Variants in LIMS1 observed in about 807,000 individuals in gnomAD.
The protein encoded by LIMS1 is LIM and senescent cell antigen-like-containing domain protein 1.
LIMS1 carries 18 observed loss-of-function variants against 44.1 expected under a neutral mutation model. The ratio of observed to expected loss-of-function variants is 0.41; its 90% CI spans 0.28 to 0.61. LIMS1 has a LOEUF of 0.61. Ranked by LOEUF, LIMS1 falls within the 20% of genes least tolerant of loss-of-function variation. The pLI is 0.32. For synonymous variants in LIMS1, 93 were observed against 149.1 expected, an observed-to-expected ratio of 0.62 and a Z score of 2.74; for missense variants, 201 against 422.0, an observed-to-expected ratio of 0.48 and a Z score of 4.59.
chr2:108,560,958 T>C (rs1032916707), intron 1 of LIMS1, among the ~76,000 whole-genome samples: 1 of 152,210 alleles, frequency 6.6e-6, no homozygotes, highest in African/African-American at 2.4e-5. Flanking sequence ...TTTGCCACAC[T>C]AGCTCAATGC....
At chr2:108,621,528 T>C (rs977794198) in intron 1 of LIMS1, 1 of 1,142,714 alleles carries the variant, frequency 8.8e-7, no homozygotes, top group South Asian at 1.3e-5. Flanking sequence ...TGGGGATTCA[T>C]GCCTAAGTGG....
chr2:108,645,646 TTA>T (rs1690008278), intron 1 of LIMS1, among the ~76,000 whole-genome samples: 1 of 152,036 alleles, frequency 6.6e-6, no homozygotes, highest in East Asian at 1.9e-4. Flanking sequence ...CATAACAATA[TTA>T]ACCTTAAATG....
At chr2:108,683,186 C>A (rs1693118334) in intron 9 of LIMS1, among the ~76,000 whole-genome samples, 2 of 152,098 alleles carry the variant, frequency 1.3e-5, no homozygotes, top group Non-Finnish European at 2.9e-5. Context: ...ACCAAAATAA[C>A]CCCTTATAAT....
In LIMS1 at chr2:108,549,823, C is replaced by T. The variant is rs1018121470; in HGVS notation, c.32+15229C>T. Reference sequence around the variant, plus strand: ...AAGAAGAAAGACAAATGGATAAAACCTGTTAGTAAAATAATTTGTCAGTAT... The same window carrying T: ...AAGAAGAAAGACAAATGGATAAAACTTGTTAGTAAAATAATTTGTCAGTAT... On this transcript the variant is annotated intron_variant, in intron 1 of 9. Transcript: ENST00000544547. Among the ~76,000 whole-genome samples, 74 of 152,100 alleles carry T rather than the reference C, an allele frequency of 4.9e-4. 1 individual carries two copies. Among genetic ancestry groups the T allele is most frequent in the Non-Finnish European group, 1.0e-4 (7 of 68,014 alleles).
At chr2:108,556,854 A>G (rs1022623059) in intron 1 of LIMS1, among the ~76,000 whole-genome samples, 3 of 152,204 alleles carry the variant, frequency 2.0e-5, no homozygotes, top group Non-Finnish European at 4.4e-5. Context: ...TGAACCTGTG[A>G]TCAGTCAAGC....
At chr2:108,589,906 G>A (rs923327122) in intron 1 of LIMS1, among the ~76,000 whole-genome samples, 2 of 152,182 alleles carry the variant, frequency 1.3e-5, no homozygotes, top group Non-Finnish European at 2.9e-5. Context: ...GATACGTGAT[G>A]TAATTTCAGC....
chr2:108,680,753 C>T (rs752653119), exon 9 of LIMS1: 1 of 1,610,540 alleles, frequency 6.2e-7, no homozygotes, highest in East Asian at 2.2e-5. Flanking sequence ...CTACCTGCAA[C>T]ACTAAATTAA....
At chr2:108,635,405 G>C (rs958310900) in intron 1 of LIMS1, among the ~76,000 whole-genome samples, 3 of 148,222 alleles carry the variant, frequency 2.0e-5, no homozygotes, top group African/African-American at 7.6e-5. Context: ...TCCAGCCTGG[G>C]GGGAAAGAGC....
intron 2 of LIMS1, among the ~76,000 whole-genome samples, chr2:108,668,320 C>T (rs1005763135): frequency 1.3e-5 from 2 of 151,436 alleles, no homozygotes; most frequent in East Asian, 1.9e-4. Context: ...AGAACTTATT[C>T]GTCCTAACTG....
At position 108,553,965 on chromosome 2, in the gene LIMS1, TTC is replaced by T. The variant is rs548226149; in HGVS notation, c.32+19375_32+19376del. ...ATATAGATAGGCATGATTATCCTCA[TTC>T]TCTTTTATTTTTTTAGATAAGCAAA... On this transcript the variant is annotated intron_variant, in intron 1 of 9. Coordinates refer to ENST00000544547, the Ensembl canonical transcript of LIMS1. Among the ~76,000 whole-genome samples, 36 of 152,192 alleles carry T rather than the reference TTC, an allele frequency of 2.4e-4. 1 individual carries two copies. Among genetic ancestry groups the T allele is most frequent in the Middle Eastern group, 3.4e-3 (1 of 294 alleles).
chr2:108,624,805 G>A (rs1454897763), intron 1 of LIMS1, among the ~76,000 whole-genome samples: 1 of 151,894 alleles, frequency 6.6e-6, no homozygotes, highest in Non-Finnish European at 1.5e-5. Flanking sequence ...TAGGCCGGGT[G>A]CGGTGGCTCA....
chr2:108,599,960 A>G (rs1171845229), intron 1 of LIMS1, among the ~76,000 whole-genome samples: 5 of 151,264 alleles, frequency 3.3e-5, no homozygotes, highest in Non-Finnish European at 5.9e-5. Flanking sequence ...TAGTTTGCAG[A>G]TATCTTCTCC....
At chr2:108,592,227 C>T (rs1686441979) in intron 1 of LIMS1, among the ~76,000 whole-genome samples, 1 of 152,056 alleles carries the variant, frequency 6.6e-6, no homozygotes. Flanking sequence ...AGCTCTGAGT[C>T]GGTGTGTCAC....
chr2:108,569,403 C>T (rs1279555587), intron 1 of LIMS1, among the ~76,000 whole-genome samples: 1 of 152,078 alleles, frequency 6.6e-6, no homozygotes, highest in Non-Finnish European at 1.5e-5. Context: ...ATTGGGAAAC[C>T]GTTGCCTAGT....
At chr2:108,673,952 ATT>A (rs1351227285) in intron 5 of LIMS1, 1 of 152,174 alleles carries the variant, frequency 6.6e-6, no homozygotes, top group Non-Finnish European at 1.5e-5. Flanking sequence ...AATATATTTA[ATT>A]TTTTGTCTTC....
At chr2:108,676,001 C>T (rs1482441657) in exon 6 of LIMS1, 42 of 1,613,798 alleles carry the variant, frequency 2.6e-5, no homozygotes, top group East Asian at 6.7e-5. Flanking sequence ...GCGTGGTGAA[C>T]GCTATGGGCA....
At chr2:108,628,121 G>A (rs532898102) in intron 1 of LIMS1, among the ~76,000 whole-genome samples, 1 of 152,334 alleles carries the variant, frequency 6.6e-6, no homozygotes, top group South Asian at 2.1e-4. Flanking sequence ...TCCTGTTTCT[G>A]CCCTTGTGGT....
At chr2:108,681,743 A>G (rs1693010626) in intron 9 of LIMS1, 1 of 229,460 alleles carries the variant, frequency 4.4e-6, no homozygotes, top group Non-Finnish European at 7.2e-6. Flanking sequence ...CTACATGCCT[A>G]GACCCCATCC....
chr2:108,565,870 T>TG (rs1348171771), intron 1 of LIMS1, among the ~76,000 whole-genome samples: 2 of 152,174 alleles, frequency 1.3e-5, no homozygotes, highest in Non-Finnish European at 2.9e-5. Flanking sequence ...CAAAAGGACG[T>TG]GGAAGTTCCC....
Sources: allele counts gnomAD v4.1 joint callset (sites outside exome capture counted in the v4.1 genomes callset), GRCh38; gene constraint gnomAD v4.1.1; transcripts MANE v1.5; gene names NCBI Gene and HGNC (gene_info 2026-07-23, HGNC 2026-07-21).